Variants in F11R observed in about 807,000 individuals in gnomAD.
F11R encodes F11 receptor.
Under a neutral mutation model 39.3 loss-of-function variants are expected in F11R, and 27 were observed. The ratio of observed to expected loss-of-function variants is 0.69; its 90% CI spans 0.51 to 0.95. The LOEUF (loss-of-function observed/expected upper bound fraction) is 0.95, where lower values mean the gene tolerates loss of function less well. F11R is among the 40% of genes least tolerant of loss of function. The pLI, the probability that F11R is intolerant of heterozygous loss-of-function variation, is 0.00. For synonymous variants in F11R, 131 were observed against 144.9 expected, an observed-to-expected ratio of 0.90 and a Z score of 0.69; for missense variants, 335 against 372.7, an observed-to-expected ratio of 0.90 and a Z score of 0.83.
At chr1:161,010,913 G>A (rs923518688) in intron 1 of F11R, among the ~76,000 whole-genome samples, 4 of 146,386 alleles carry the variant, frequency 2.7e-5, no homozygotes, top group South Asian at 2.1e-4. Flanking sequence ...GGTGGAGGTT[G>A]CAGTGAGCTG....
intron 1 of F11R, among the ~76,000 whole-genome samples, chr1:161,013,264 G>C (rs1274940693): frequency 6.6e-6 from 1 of 152,160 alleles, no homozygotes; most frequent in Non-Finnish European, 1.5e-5. Flanking sequence ...AGACCCCCCA[G>C]TTGCCAGGGA....
chr1:161,018,597 A>C (rs1649586631), intron 1 of F11R, among the ~76,000 whole-genome samples: 1 of 152,200 alleles, frequency 6.6e-6, no homozygotes, highest in South Asian at 2.1e-4. Context: ...CAAAGGTGGG[A>C]CAAGTATTAC....
At position 161,014,530 on chromosome 1, in the gene F11R, C is replaced by G. The variant is rs187805002; in HGVS notation, c.64+6480G>C. On this transcript the variant is annotated intron_variant, in intron 1 of 9. Coordinates refer to ENST00000368026, the MANE Select transcript of F11R (RefSeq NM_016946.6). ...ACCAGCCTGTACAACAGATGAGACC[C>G]TGTCTGTACTAAAAAAATAAAAAAT... Among the ~76,000 whole-genome samples the G allele has an allele frequency of 5.0e-3, 762 of 152,292 alleles. 3 individuals are homozygous for G. The highest frequency in any genetic ancestry group is 8.2e-3 in the Non-Finnish European group (560 of 68,018).
At chr1:161,009,611 A>G (rs1649015384) in intron 1 of F11R, among the ~76,000 whole-genome samples, 2 of 152,132 alleles carry the variant, frequency 1.3e-5, no homozygotes. Context: ...ACATCTATCT[A>G]TATATTTATC....
At chr1:161,017,092 A>T (rs540725524) in intron 1 of F11R, among the ~76,000 whole-genome samples, 2 of 151,984 alleles carry the variant, frequency 1.3e-5, no homozygotes, top group Admixed American at 1.3e-4. Flanking sequence ...AGTCATCACC[A>T]CTCCCTAATC....
chr1:161,013,713 T>G (rs1252246113), intron 1 of F11R, among the ~76,000 whole-genome samples: 1 of 152,196 alleles, frequency 6.6e-6, no homozygotes, highest in African/African-American at 2.4e-5. Flanking sequence ...GTGATGTCGA[T>G]CAGCTGGCTC....
chr1:161,008,159 C>T (rs541620645), intron 1 of F11R, among the ~76,000 whole-genome samples: 1 of 141,344 alleles, frequency 7.1e-6, no homozygotes, highest in East Asian at 2.0e-4. Flanking sequence ...TTAAAGGCAT[C>T]AATAGATTTT....
At chr1:161,015,001 C>T (rs1445672066) in intron 1 of F11R, among the ~76,000 whole-genome samples, 2 of 150,388 alleles carry the variant, frequency 1.3e-5, no homozygotes, top group South Asian at 4.2e-4. Flanking sequence ...TGGCGTGAAC[C>T]CGGGAGGCAG....
chr1:161,003,123 A>ATTTTT (rs755371627), intron 1 of F11R, among the ~76,000 whole-genome samples: 5 of 105,566 alleles, frequency 4.7e-5, no homozygotes, highest in Non-Finnish European at 7.5e-5. Context: ...TAATTTTTGT[A>ATTTTT]TTTTTTTTTT....
intron 8 of F11R, 42 bp from the exon 9 acceptor site, chr1:160,999,133 T>G (rs770473950): frequency 7.6e-5 from 122 of 1,613,480 alleles, no homozygotes; most frequent in Non-Finnish European, 9.1e-5. Context: ...GCCACCTAGG[T>G]GCTTATTAAC....
rs561060329 is a variant in F11R at position 160,999,556 on chromosome 1, T to C, written c.802+84A>G. On this transcript the variant is annotated intron_variant, in intron 7 of 9. Transcript: ENST00000368026. ...AACACCCACACACATGAGCACAGTA[T>C]CAGGGTCAGTACTCAGATGACACCC... is the stretch of plus-strand genomic sequence containing the variant. The C allele has an allele frequency of 3.4e-6, 5 of 1,491,028 alleles. No individual in the cohort carries two copies. In the African/African-American group the frequency reaches 6.9e-5, roughly 21 times the overall value. The allele number at this position is 1,491,028 out of a possible 1,614,324, so 92.4% of individuals were successfully genotyped here. A position where few individuals can be genotyped will look rare whatever the true frequency, so the allele number is the denominator to read the frequency against.
At chr1:161,018,577 A>G (rs921137716) in intron 1 of F11R, among the ~76,000 whole-genome samples, 1 of 152,202 alleles carries the variant, frequency 6.6e-6, no homozygotes, top group Non-Finnish European at 1.5e-5. Flanking sequence ...ATGCTGGTTG[A>G]TCCTCCTGAC....
chr1:161,011,292 C>T (rs1046420566), intron 1 of F11R, among the ~76,000 whole-genome samples: 1 of 152,038 alleles, frequency 6.6e-6, no homozygotes, highest in African/African-American at 2.4e-5. Context: ...CCCAGCCTCC[C>T]AAAGTGCTGG....
intron 1 of F11R, among the ~76,000 whole-genome samples, chr1:161,003,863 C>T (rs1453476970): frequency 6.6e-6 from 1 of 152,092 alleles, no homozygotes; most frequent in Non-Finnish European, 1.5e-5. Context: ...CTCCCAGGTT[C>T]AGGAGATTCT....
chr1:161,020,159 A>ATG (rs1430606142), intron 1 of F11R, among the ~76,000 whole-genome samples: 1 of 152,126 alleles, frequency 6.6e-6, no homozygotes, highest in Non-Finnish European at 1.5e-5. Context: ...ACACAAACAC[A>ATG]TCTAGAGACA....
At chr1:161,000,951 G>T in intron 3 of F11R, 69 bp downstream of exon 3, 1 of 1,520,936 alleles carries the variant, frequency 6.6e-7, no homozygotes, top group Non-Finnish European at 9.1e-7. Context: ...ACAAAGTCTG[G>T]ATCGTAGAAT....
chr1:161,005,270 CCCTTCCTCCCT>C (rs1412676470), intron 1 of F11R, among the ~76,000 whole-genome samples: 54 of 151,760 alleles, frequency 3.6e-4, no homozygotes, highest in African/African-American at 1.2e-3. Flanking sequence ...TAAGTCTCCT[CCCTTCCTCCCT>C]CCTTCCTCCT....
intron 1 of F11R, among the ~76,000 whole-genome samples, chr1:161,004,682 C>T (rs2101974192): frequency 6.6e-6 from 1 of 151,508 alleles, no homozygotes; most frequent in South Asian, 2.1e-4. Flanking sequence ...GCATTCCAGC[C>T]TGGGTGCCTG....
chr1:161,004,179 CA>C (rs1399778854), intron 1 of F11R, among the ~76,000 whole-genome samples: 1 of 152,158 alleles, frequency 6.6e-6, no homozygotes, highest in African/African-American at 2.4e-5. Context: ...CTCCTGGTCT[CA>C]AGCAGTTCTC....
Sources: allele counts gnomAD v4.1 joint callset (sites outside exome capture counted in the v4.1 genomes callset), GRCh38; gene constraint gnomAD v4.1.1; transcripts MANE v1.5; gene names NCBI Gene and HGNC (gene_info 2026-07-23, HGNC 2026-07-21).